Variants in SIK2 observed in about 807,000 individuals in gnomAD.
The protein encoded by SIK2 is salt inducible kinase 2.
SIK2 carries 29 observed loss-of-function variants against 103.2 expected under a neutral mutation model. The ratio of observed to expected loss-of-function variants is 0.28; its 90% CI spans 0.21 to 0.38. SIK2 has a LOEUF of 0.38. Among genes scored for constraint, SIK2 ranks in the 10% least tolerant of loss-of-function variants. SIK2 has a pLI of 1.00. For missense variants in SIK2, 879 were observed against 1,171.0 expected (o/e 0.75, Z 3.64); for synonymous variants, 412 against 446.1 (o/e 0.92, Z 0.96).
chr11:111,688,875 C>T lies in SIK2; in HGVS notation c.478+713C>T, dbSNP rs967067309. ...AAATAGCATGTACACCTTGAATATA[C>T]ACAATTTTTGTCAATTACATTTTAA... On this transcript the variant is annotated intron_variant, in intron 4 of 14. Coordinates refer to ENST00000304987, the MANE Select transcript of SIK2 (RefSeq NM_015191.3). This position sits in a 1 kb window ranked among gnomAD's most constrained non-coding sequence, Gnocchi z 4.2. Among the ~76,000 whole-genome samples the T allele has an allele frequency of 6.6e-6, 1 of 152,144 alleles. No homozygotes were observed. Among genetic ancestry groups the T allele is most frequent in the Non-Finnish European group, 1.5e-5 (1 of 68,026 alleles).
chr11:111,680,004 C>T (rs1591612963), intron 3 of SIK2, among the ~76,000 whole-genome samples: 1 of 152,134 alleles, frequency 6.6e-6, no homozygotes, highest in East Asian at 1.9e-4. Context: ...CACCTGTAAT[C>T]CCAGCTACTT....
intron 3 of SIK2, among the ~76,000 whole-genome samples, chr11:111,638,045 G>C (rs1208806782): frequency 6.6e-6 from 1 of 152,166 alleles, no homozygotes; most frequent in African/African-American, 2.4e-5. Context: ...TTCACTGCTA[G>C]GGTGATCTGA....
At chr11:111,652,903 A>G (rs1004318940) in intron 3 of SIK2, among the ~76,000 whole-genome samples, 1 of 152,232 alleles carries the variant, frequency 6.6e-6, no homozygotes, top group East Asian at 1.9e-4. Context: ...TTAAAAACCC[A>G]TGTTCTTAAC....
At position 111,726,945 on chromosome 11, in the gene SIK2, C is replaced by A. The variant is rs373784555; in HGVS notation, c.*2816C>A. 6.3e-7 allele frequency: 1 copy of A among 1,583,896 alleles called. No individual in the cohort carries two copies. Among genetic ancestry groups the A allele is most frequent in the Non-Finnish European group, 8.7e-7 (1 of 1,154,652 alleles). ...TGTGTGGTACTTTATTTTTTATGTT[C>A]TTTTTTTAAATCTGGGGTATTAGTC... is the stretch of plus-strand genomic sequence containing the variant. On this transcript the variant is annotated 3_prime_UTR_variant, in exon 15 of 15. Coordinates refer to ENST00000304987, the MANE Select transcript of SIK2 (RefSeq NM_015191.3).
At chr11:111,666,056 T>TA (rs1942537041) in intron 3 of SIK2, among the ~76,000 whole-genome samples, 1 of 152,200 alleles carries the variant, frequency 6.6e-6, no homozygotes, top group Admixed American at 6.5e-5. Context: ...GAAGCTAGTA[T>TA]AAATGATGCT....
chr11:111,644,562 A>G (rs1023880154), intron 3 of SIK2, among the ~76,000 whole-genome samples: 5 of 152,100 alleles, frequency 3.3e-5, no homozygotes, highest in African/African-American at 1.2e-4. Context: ...TGTAACTGCT[A>G]CAGTTACCTG....
chr11:111,670,300 T>C (rs1411136355), intron 3 of SIK2, among the ~76,000 whole-genome samples: 1 of 152,248 alleles, frequency 6.6e-6, no homozygotes, highest in Non-Finnish European at 1.5e-5. Context: ...CTAACTATAG[T>C]AGTTTAAAAT....
At chr11:111,614,782 C>T (rs910958482) in intron 1 of SIK2, among the ~76,000 whole-genome samples, 3 of 152,190 alleles carry the variant, frequency 2.0e-5, no homozygotes, top group Non-Finnish European at 4.4e-5. Flanking sequence ...AAGCTGAGTC[C>T]TATTTTATTG....
At chr11:111,712,465 T>A (rs1943527264) in intron 9 of SIK2, 90 bp downstream of exon 9, 2 of 1,390,126 alleles carry the variant, frequency 1.4e-6, no homozygotes, top group African/African-American at 2.9e-5. Flanking sequence ...TTTATTGAAC[T>A]TTATCATTTC....
chr11:111,602,705 C>T lies in SIK2; in HGVS notation c.135+7C>T, dbSNP rs1941599822. 2.0e-6 allele frequency: 3 copies of T among 1,505,088 alleles called. No homozygotes were observed. The highest frequency in any genetic ancestry group is 2.7e-6 in the Non-Finnish European group (3 of 1,125,200). 93.2% of individuals were successfully genotyped at this position (1,505,088 alleles called of 1,614,324 possible). A position where few individuals can be genotyped will look rare whatever the true frequency, so the allele number is the denominator to read the frequency against. ...CCGGATCACCAAGACGGAGGTGCGGCCCGGGGCTCGGCGGGAGCGTCCGAG... is the reference window on the plus strand; with the variant it reads ...CCGGATCACCAAGACGGAGGTGCGGTCCGGGGCTCGGCGGGAGCGTCCGAG... On this transcript the variant is annotated splice_region_variant and intron_variant, in intron 1 of 14. Transcript: ENST00000304987. The surrounding 1 kb of genome is among the most constrained non-coding windows in gnomAD (Gnocchi z 4.5).
Position 111,727,204 on chromosome 11 carries a change from T to C in SIK2, c.*3075T>C. 3 of 671,164 alleles carry C rather than the reference T, an allele frequency of 4.5e-6. No homozygotes were observed. Among genetic ancestry groups the C allele is most frequent in the Admixed American group, 2.4e-5 (1 of 41,840 alleles). 41.6% of individuals were successfully genotyped at this position (671,164 alleles called of 1,614,324 possible). A position where few individuals can be genotyped will look rare whatever the true frequency, so the allele number is the denominator to read the frequency against. On this transcript the variant is annotated 3_prime_UTR_variant, in exon 15 of 15. Coordinates refer to ENST00000304987, the MANE Select transcript of SIK2 (RefSeq NM_015191.3). ...TGGGAAAAGGAGGCTGATGGTTCTC[T>C]ACACCATCCACCTTGAGAATCCCTG...
intron 8 of SIK2, among the ~76,000 whole-genome samples, chr11:111,709,836 T>C (rs1424636800): frequency 6.6e-6 from 1 of 152,176 alleles, no homozygotes; most frequent in African/African-American, 2.4e-5. Context: ...TCACAGTCAG[T>C]TGTAGTAGTC....
At chr11:111,633,914 T>C (rs1218443834) in intron 3 of SIK2, among the ~76,000 whole-genome samples, 1 of 152,192 alleles carries the variant, frequency 6.6e-6, no homozygotes, top group Non-Finnish European at 1.5e-5. Flanking sequence ...TTTTTTCCTC[T>C]GGAATCACAG....
At chr11:111,673,161 A>G (rs1942652341) in intron 3 of SIK2, among the ~76,000 whole-genome samples, 1 of 152,214 alleles carries the variant, frequency 6.6e-6, no homozygotes, top group Admixed American at 6.5e-5. Flanking sequence ...TTTAAAGGCC[A>G]CAGAAGAAAA....
intron 3 of SIK2, among the ~76,000 whole-genome samples, chr11:111,622,520 C>G (rs1253144299): frequency 1.3e-5 from 2 of 152,228 alleles, no homozygotes; most frequent in African/African-American, 2.4e-5. Context: ...TCCCAAAGTG[C>G]TGGGATTACA....
chr11:111,663,977 C>G (rs535010715), intron 3 of SIK2, among the ~76,000 whole-genome samples: 24 of 152,124 alleles, frequency 1.6e-4, no homozygotes, highest in Non-Finnish European at 3.2e-4. Context: ...ATCCTGTGCT[C>G]TAATCATTAT....
rs143430938 is a variant in SIK2 at position 111,616,202 on chromosome 11, T to C, written c.136-41T>C. The C allele has an allele frequency of 5.3e-6, 7 of 1,327,378 alleles. No homozygotes were observed. The African/African-American group carries it at 7.3e-5, about 14-fold the overall frequency. The allele number at this position is 1,327,378 out of a possible 1,614,324, so 82.2% of individuals were successfully genotyped here. A position where few individuals can be genotyped will look rare whatever the true frequency, so the allele number is the denominator to read the frequency against. ...GGATTCTTAACTAGAAAATGTTAAC[T>C]ATTGTATACTAATTGTATTTATTTG... is the stretch of plus-strand genomic sequence containing the variant. On this transcript the variant is annotated intron_variant, in intron 1 of 14. Coordinates refer to ENST00000304987, the MANE Select transcript of SIK2 (RefSeq NM_015191.3).
chr11:111,606,628 A>G (rs961033728), intron 1 of SIK2, among the ~76,000 whole-genome samples: 1 of 152,186 alleles, frequency 6.6e-6, no homozygotes, highest in Non-Finnish European at 1.5e-5. Flanking sequence ...GTTTTTGTTT[A>G]TAGTAAATAA....
chr11:111,722,880 A>T lies in SIK2; in HGVS notation c.2147+124A>T. 1.2e-6 allele frequency: 1 copy of T among 836,336 alleles called. No individual in the cohort carries two copies. Among genetic ancestry groups the T allele is most frequent in the Non-Finnish European group, 1.9e-6 (1 of 528,820 alleles). The allele number at this position is 836,336 out of a possible 1,614,324, so 51.8% of individuals were successfully genotyped here. On this transcript the variant is annotated intron_variant, in intron 14 of 14. Transcript: ENST00000304987. The surrounding 1 kb of genome is among the most constrained non-coding windows in gnomAD (Gnocchi z 4.4). ...GGAAAATAGGTTTTCTGCGTGTGTCACAGGCCCTCTGAGCACGATTACTAA... is the reference window on the plus strand; with the variant it reads ...GGAAAATAGGTTTTCTGCGTGTGTCTCAGGCCCTCTGAGCACGATTACTAA...
Sources: allele counts gnomAD v4.1 joint callset (sites outside exome capture counted in the v4.1 genomes callset), GRCh38; gene constraint gnomAD v4.1.1; non-coding constraint Gnocchi (gnomAD v3.1); transcripts MANE v1.5; gene names NCBI Gene and HGNC (gene_info 2026-07-23, HGNC 2026-07-21).